The following FAM91A1 variants were observed in gnomAD, a reference collection of about 807,000 sequenced individuals.
FAM91A1 encodes the protein protein FAM91A1.
A neutral mutation model predicts 113.5 loss-of-function variants in FAM91A1; 41 were observed. That is an observed-to-expected ratio of 0.36 (90% CI 0.28 to 0.47). FAM91A1 has a LOEUF of 0.47. Among genes scored for constraint, FAM91A1 ranks in the 20% least tolerant of loss-of-function variants. FAM91A1 has a pLI of 1.00. For missense variants in FAM91A1, 696 were observed against 1,001.2 expected, an observed-to-expected ratio of 0.70 and a Z score of 4.11; for synonymous variants, 307 against 347.9, an observed-to-expected ratio of 0.88 and a Z score of 1.31.
chr8:123,811,618 T>A (rs1308413943), intron 23 of FAM91A1, among the ~76,000 whole-genome samples: 4 of 152,028 alleles, frequency 2.6e-5, no homozygotes, highest in Non-Finnish European at 5.9e-5. Context: ...GAATGATTCT[T>A]ATGTTTTTTG....
chr8:123,788,791 C>G (rs1815316591), intron 14 of FAM91A1, among the ~76,000 whole-genome samples: 2 of 152,096 alleles, frequency 1.3e-5, no homozygotes. Context: ...TGCTCTTTTA[C>G]TCATAAATCT....
chr8:123,770,882 A>G (rs985968568), intron 1 of FAM91A1, among the ~76,000 whole-genome samples: 14 of 152,328 alleles, frequency 9.2e-5, no homozygotes, highest in Middle Eastern at 3.4e-3. Context: ...CATCTGTACA[A>G]GTTTACTTCC....
intron 11 of FAM91A1, 132 bp downstream of exon 11, chr8:123,785,873 G>A (rs535373880): frequency 1.4e-5 from 8 of 571,122 alleles, no homozygotes; most frequent in African/African-American, 3.9e-5. Context: ...GCTGGAGTGC[G>A]GTGGCGCGAT....
At chr8:123,812,287 T>C (rs1252726422) in intron 23 of FAM91A1, 3 of 362,680 alleles carry the variant, frequency 8.3e-6, no homozygotes, top group Non-Finnish European at 1.5e-5. Context: ...TCGTAGCCTC[T>C]TATTTCTATT....
rs115642746 is a variant in FAM91A1, at chr8:123,804,140, T to G, written c.1810-1127T>G. On this transcript the variant is annotated intron_variant, in intron 18 of 23. Transcript: ENST00000334705. ...GTGGGTAGACTCAGATTTTTTAAATTTAATTTTTGAACTAATAGTACATTC... is the reference window on the plus strand; with the variant it reads ...GTGGGTAGACTCAGATTTTTTAAATGTAATTTTTGAACTAATAGTACATTC... Among the ~76,000 whole-genome samples the G allele has an allele frequency of 5.1e-3, 773 of 152,286 alleles. 10 individuals are homozygous for G. The highest frequency in any genetic ancestry group is 0.018 in the African/African-American group (731 of 41,546).
intron 7 of FAM91A1, 148 bp from the exon 8 acceptor site, chr8:123,780,332 T>A (rs763656528): frequency 4.0e-6 from 3 of 748,692 alleles, no homozygotes; most frequent in Non-Finnish European, 6.4e-6. Context: ...TTAAAAACTT[T>A]AATTCTTTTT....
intron 19 of FAM91A1, 34 bp from the exon 20 acceptor site, chr8:123,806,046 C>A: frequency 6.7e-7 from 1 of 1,493,704 alleles, no homozygotes; most frequent in Non-Finnish European, 9.0e-7. Flanking sequence ...TTATTAGAAA[C>A]TGTTCATTAA....
chr8:123,805,217 A>G (rs762728450), intron 18 of FAM91A1, 50 bp from the exon 19 acceptor site: 2 of 1,392,714 alleles, frequency 1.4e-6, no homozygotes, highest in Non-Finnish European at 2.0e-6. Context: ...AATATCAGTG[A>G]TTGGAAATGA....
At position 123,784,541 on chromosome 8, in the gene FAM91A1, T is replaced by C; in HGVS notation, c.775T>C (p.Phe259Leu). The C allele has an allele frequency of 3.1e-6, 5 of 1,607,912 alleles. No homozygotes were observed. Among genetic ancestry groups the C allele is most frequent in the Non-Finnish European group, 4.2e-6 (5 of 1,177,886 alleles). ...TTTTGAAACTCTACTCTATAAGATA[T>C]TTGTTTCAATAGATGAGCACACAAA... ...DYFETLLYKI[F>L]VSIDEHTNVA... is the part of the protein sequence containing the mutation. The change falls in exon 9 of 24, where the codon TTT (phenylalanine) becomes CTT (leucine). Residue 259 changes from phenylalanine to leucine, a missense_variant. Coordinates refer to ENST00000334705, the MANE Select transcript of FAM91A1 (RefSeq NM_144963.4).
At chr8:123,806,311 C>G (rs1815810468) in intron 20 of FAM91A1, 82 bp downstream of exon 20, 4 of 1,373,852 alleles carry the variant, frequency 2.9e-6, no homozygotes, top group Non-Finnish European at 3.9e-6. Flanking sequence ...AGCAGCAGAC[C>G]TTTGTGGGGA....
intron 2 of FAM91A1, 132 bp downstream of exon 2, chr8:123,774,296 A>T: frequency 3.4e-6 from 2 of 589,864 alleles, no homozygotes; most frequent in Non-Finnish European, 5.6e-6. Flanking sequence ...CTCTACACTG[A>T]TCCATTCCAC....
intron 1 of FAM91A1, among the ~76,000 whole-genome samples, chr8:123,770,853 A>G (rs59181063): frequency 5.3e-5 from 8 of 152,340 alleles, no homozygotes; most frequent in African/African-American, 1.9e-4. Context: ...AAGGTTGGCC[A>G]TTTGTAGATG....
chr8:123,800,546 T>G (rs540166866), intron 18 of FAM91A1, among the ~76,000 whole-genome samples: 6 of 152,278 alleles, frequency 3.9e-5, no homozygotes, highest in Non-Finnish European at 7.4e-5. Flanking sequence ...CAATTTAAAT[T>G]GTGCAGTTAA....
chr8:123,778,185 G>T, intron 5 of FAM91A1, 93 bp downstream of exon 5: 2 of 911,182 alleles, frequency 2.2e-6, no homozygotes, highest in South Asian at 3.3e-5. Flanking sequence ...GTATGTCTTT[G>T]ACCAAATAAA....
Position 123,789,753 on chromosome 8 carries a change from A to G in FAM91A1, c.1411+8A>G. Reference sequence around the variant, plus strand: ...CAGACCAACCCAATTATGGTATGATAAATATATTTAATTTTGAAGACATGA... The same window carrying G: ...CAGACCAACCCAATTATGGTATGATGAATATATTTAATTTTGAAGACATGA... On this transcript the variant is annotated splice_region_variant and intron_variant, in intron 15 of 23. Coordinates refer to ENST00000334705, the MANE Select transcript of FAM91A1 (RefSeq NM_144963.4). The G allele has an allele frequency of 3.1e-6, 5 of 1,605,478 alleles. No individual in the cohort carries two copies. Among genetic ancestry groups the G allele is most frequent in the Non-Finnish European group, 2.6e-6 (3 of 1,175,892 alleles).
intron 14 of FAM91A1, chr8:123,788,281 T>G: frequency 5.2e-6 from 5 of 963,900 alleles, no homozygotes; most frequent in Non-Finnish European, 4.9e-6. Flanking sequence ...TAGCTCTAAA[T>G]AAATCTGATT....
Position 123,787,275 on chromosome 8 carries a change from G to A in FAM91A1, c.1093G>A (p.Val365Ile), listed in dbSNP as rs1210714200. 6.2e-7 allele frequency: 1 copy of A among 1,610,492 alleles called. No homozygotes were observed. Among genetic ancestry groups the A allele is most frequent in the South Asian group, 1.1e-5 (1 of 90,848 alleles). ...SQEDPADTAS[V>I]SSLSLSTGHT... ...GTGTTTTTCAGCTGACACAGCCAGT[G>A]TAAGCAGCCTGAGTCTGTCTACAGG... is the stretch of plus-strand genomic sequence containing the variant. The change falls in exon 13 of 24, where the codon GTA becomes ATA. Residue 365 changes from valine (V) to isoleucine (I), a missense_variant. Val to Ile is a conservative substitution (Grantham distance 29). Coordinates refer to ENST00000334705, the MANE Select transcript of FAM91A1 (RefSeq NM_144963.4).
intron 6 of FAM91A1, among the ~76,000 whole-genome samples, chr8:123,779,144 T>C (rs188873727): frequency 9.7e-4 from 148 of 152,366 alleles, no homozygotes; most frequent in East Asian, 2.1e-3. Flanking sequence ...TCTTACTTAA[T>C]TCTCATAACA....
intron 18 of FAM91A1, among the ~76,000 whole-genome samples, chr8:123,803,907 T>A (rs529438816): frequency 2.0e-4 from 30 of 152,304 alleles, no homozygotes; most frequent in Non-Finnish European, 3.4e-4. Context: ...AATTTGGAGA[T>A]CCTCAGTATT....
Sources: allele counts gnomAD v4.1 joint callset (sites outside exome capture counted in the v4.1 genomes callset), GRCh38; gene constraint gnomAD v4.1.1; transcripts MANE v1.5; gene names NCBI Gene and HGNC (gene_info 2026-07-23, HGNC 2026-07-21).